Variants in TFDP2 observed in about 807,000 individuals in gnomAD.
TFDP2 encodes transcription factor Dp-2 (E2F dimerization partner 2).
In TFDP2, 17 loss-of-function variants were observed where a neutral mutation model predicts 59.3. The observed-to-expected ratio is 0.29, with a 90% CI of 0.20 to 0.43. The LOEUF is 0.43. Among genes scored for constraint, TFDP2 ranks in the 20% least tolerant of loss-of-function variants. The probability of loss-of-function intolerance (pLI) is 1.00; values close to 1 mark genes in which losing one functional copy is unlikely to be tolerated. For missense variants in TFDP2, 391 were observed against 528.8 expected (o/e 0.74, Z 2.56); for synonymous variants, 180 against 194.7 (o/e 0.92, Z 0.63).
intron 1 of TFDP2, among the ~76,000 whole-genome samples, chr3:142,120,105 G>A (rs1490615503): frequency 6.6e-6 from 1 of 151,594 alleles, no homozygotes; most frequent in Non-Finnish European, 1.5e-5. Flanking sequence ...GCTCATGCCT[G>A]TAATCTCAGC....
At chr3:142,026,279 T>C (rs565410436) in intron 3 of TFDP2, among the ~76,000 whole-genome samples, 3 of 151,962 alleles carry the variant, frequency 2.0e-5, no homozygotes, top group African/African-American at 7.2e-5. Context: ...GGTGTGAACC[T>C]GGGACGCAGA....
chr3:142,046,619 T>C (rs1947356720), intron 3 of TFDP2, among the ~76,000 whole-genome samples: 1 of 152,096 alleles, frequency 6.6e-6, no homozygotes, highest in Non-Finnish European at 1.5e-5. Flanking sequence ...AAGTTTCTGG[T>C]TGGTAAAGAT....
chr3:141,990,979 G>A (rs563575254), intron 6 of TFDP2, among the ~76,000 whole-genome samples: 179 of 152,124 alleles, frequency 1.2e-3, no homozygotes, highest in African/African-American at 4.1e-3. Context: ...AATCACTTGA[G>A]CCCAGGAAGC....
chr3:142,062,019 C>A (rs557649879), intron 3 of TFDP2, among the ~76,000 whole-genome samples: 2 of 151,564 alleles, frequency 1.3e-5, no homozygotes, highest in Admixed American at 1.3e-4. Flanking sequence ...CTCTGCCACC[C>A]GAGACGGCAA....
intron 3 of TFDP2, among the ~76,000 whole-genome samples, chr3:142,070,644 G>A (rs1247947815): frequency 1.3e-5 from 2 of 152,180 alleles, no homozygotes; most frequent in African/African-American, 4.8e-5. Flanking sequence ...ATATGTGTAA[G>A]AACTGTTAAT....
intron 8 of TFDP2, among the ~76,000 whole-genome samples, chr3:141,973,306 G>A (rs1392123254): frequency 6.6e-6 from 1 of 151,490 alleles, no homozygotes; most frequent in Non-Finnish European, 1.5e-5. Flanking sequence ...TAGAGACGGG[G>A]TTTTACCATT....
chr3:142,002,694 C>T (rs1175886298), intron 4 of TFDP2, among the ~76,000 whole-genome samples: 1 of 152,128 alleles, frequency 6.6e-6, no homozygotes, highest in East Asian at 1.9e-4. Flanking sequence ...TTTTTCCAGC[C>T]TGTTCCTCTG....
chr3:142,086,126 T>C (rs2060804748), intron 3 of TFDP2, among the ~76,000 whole-genome samples: 1 of 152,198 alleles, frequency 6.6e-6, no homozygotes, highest in Non-Finnish European at 1.5e-5. Context: ...CTTCTAGTTT[T>C]GTCTACATTC....
chr3:142,050,851 A>AAATC (rs61649165), intron 3 of TFDP2, among the ~76,000 whole-genome samples: 1 of 151,250 alleles, frequency 6.6e-6, no homozygotes, highest in Admixed American at 6.6e-5. Context: ...CCATCTCAAA[A>AAATC]AATCAATCAA....
chr3:142,144,847 C>T (rs964266437), intron 1 of TFDP2, among the ~76,000 whole-genome samples: 2 of 152,150 alleles, frequency 1.3e-5, no homozygotes, highest in Admixed American at 1.3e-4. Flanking sequence ...CCAGAAACGA[C>T]TTTTAAAACA....
At chr3:142,094,123 G>A (rs558419064) in intron 2 of TFDP2, among the ~76,000 whole-genome samples, 12 of 151,844 alleles carry the variant, frequency 7.9e-5, no homozygotes, top group African/African-American at 2.9e-4. Flanking sequence ...AAAGCCTGGA[G>A]GAAAAAAAAC....
intron 3 of TFDP2, among the ~76,000 whole-genome samples, chr3:142,056,011 TG>T (rs2108502090): frequency 8.1e-6 from 1 of 122,758 alleles, no homozygotes; most frequent in African/African-American, 3.1e-5. Context: ...TGGAGTGCAG[TG>T]GCATGATCTC....
intron 3 of TFDP2, among the ~76,000 whole-genome samples, chr3:142,086,539 A>C (rs1299996251): frequency 6.6e-6 from 1 of 152,224 alleles, no homozygotes; most frequent in Non-Finnish European, 1.5e-5. Flanking sequence ...AGGATATAAC[A>C]AAGGACGTAG....
At chr3:142,055,524 T>C (rs1448375510) in intron 3 of TFDP2, among the ~76,000 whole-genome samples, 2 of 152,142 alleles carry the variant, frequency 1.3e-5, no homozygotes, top group East Asian at 3.8e-4. Context: ...GATAAGAAAA[T>C]CGACATTTTG....
intron 3 of TFDP2, among the ~76,000 whole-genome samples, chr3:142,043,190 G>T (rs931360718): frequency 6.6e-6 from 1 of 151,702 alleles, no homozygotes; most frequent in African/African-American, 2.4e-5. Flanking sequence ...GGGACTACAG[G>T]CTCCTGCCAC....
intron 3 of TFDP2, among the ~76,000 whole-genome samples, chr3:142,033,104 A>C (rs1320208746): frequency 1.3e-5 from 2 of 152,174 alleles, no homozygotes; most frequent in Non-Finnish European, 2.9e-5. Flanking sequence ...CTGAGGCAGG[A>C]GAATCACTTG....
At chr3:142,115,957 A>G (rs565122240) in intron 1 of TFDP2, among the ~76,000 whole-genome samples, 3 of 152,332 alleles carry the variant, frequency 2.0e-5, no homozygotes, top group Non-Finnish European at 1.5e-5. Context: ...ATATTGTACC[A>G]ATGTCAATTT....
intron 3 of TFDP2, among the ~76,000 whole-genome samples, chr3:142,055,120 T>C (rs1244878435): frequency 6.6e-6 from 1 of 152,226 alleles, no homozygotes; most frequent in Non-Finnish European, 1.5e-5. Flanking sequence ...GTCAGTCTCC[T>C]CCTATCACTG....
chr3:142,094,922 A>G (rs562111489), intron 2 of TFDP2, among the ~76,000 whole-genome samples: 56 of 152,340 alleles, frequency 3.7e-4, no homozygotes, highest in African/African-American at 1.3e-3. Flanking sequence ...AAAGATTTTA[A>G]AGCACACAAA....
Sources: allele counts gnomAD v4.1 joint callset (sites outside exome capture counted in the v4.1 genomes callset), GRCh38; gene constraint gnomAD v4.1.1; transcripts MANE v1.5; gene names NCBI Gene and HGNC (gene_info 2026-07-23, HGNC 2026-07-21).